The following PDE4A variants were observed in gnomAD, a reference collection of about 807,000 sequenced individuals.
The protein encoded by PDE4A is 3',5'-cyclic-AMP phosphodiesterase 4A.
PDE4A carries 21 observed loss-of-function variants against 73.9 expected under a neutral mutation model. That is an observed-to-expected ratio of 0.28 (90% confidence interval 0.20 to 0.41). The LOEUF is 0.41. PDE4A is among the 10% of genes least tolerant of loss of function. PDE4A has a pLI of 1.00. For missense variants in PDE4A, 958 were observed against 1,211.4 expected, an observed-to-expected ratio of 0.79 and a Z score of 3.10; for synonymous variants, 463 against 505.4, an observed-to-expected ratio of 0.92 and a Z score of 1.13.
At chr19:10,416,993 G>A (rs1599389797), upstream of PDE4A, 1 of 1,539,254 alleles carries the variant, frequency 6.5e-7, no homozygotes, top group East Asian at 2.4e-5. Flanking sequence ...GGGACGAGGT[G>A]CGAGAGGAGG....
chr19:10,434,962 C>T (rs1459144132), intron 1 of PDE4A, among the ~76,000 whole-genome samples: 1 of 147,546 alleles, frequency 6.8e-6, no homozygotes, highest in African/African-American at 2.5e-5. Flanking sequence ...ATCATCTCTG[C>T]TCTCTGCAAC....
chr19:10,449,010 T>A (rs1011082627), intron 3 of PDE4A, 57 bp downstream of exon 3: 1 of 1,611,576 alleles, frequency 6.2e-7, no homozygotes, highest in East Asian at 2.2e-5. Context: ...TCCGCCACAC[T>A]TGGGGACAGG....
At chr19:10,466,157 A>T (rs993499700) in intron 14 of PDE4A, among the ~76,000 whole-genome samples, 3 of 147,860 alleles carry the variant, frequency 2.0e-5, no homozygotes, top group Non-Finnish European at 4.5e-5. Context: ...TTAGCTTTTT[A>T]AAAAATAGGC....
chr19:10,432,328 CG>C, intron 1 of PDE4A: 1 of 1,257,660 alleles, frequency 8.0e-7, no homozygotes, highest in South Asian at 2.8e-5. Context: ...GGCGTGGAGG[CG>C]GTGCCGGCAG....
Position 10,424,124 on chromosome 19 carries a change from C to T in PDE4A, c.320+3040C>T, listed in dbSNP as rs536187699. Reference sequence around the variant, plus strand: ...ACTGCCCACCCCCAACCGGAGATGTCATCCAAACCTCCCCTCCAGACCTGA... The same window carrying T: ...ACTGCCCACCCCCAACCGGAGATGTTATCCAAACCTCCCCTCCAGACCTGA... On this transcript the variant is annotated intron_variant, in intron 1 of 14. Coordinates refer to ENST00000380702, the MANE Select transcript of PDE4A (RefSeq NM_001111307.2). The surrounding 1 kb of genome is among the most constrained non-coding windows in gnomAD (Gnocchi z 4.8). Among the ~76,000 whole-genome samples, 6 of 152,332 alleles carry T rather than the reference C, an allele frequency of 3.9e-5. No homozygotes were observed. The South Asian group carries it at 1.2e-3, about 32-fold the overall frequency.
At chr19:10,432,516 C>G in intron 1 of PDE4A, 1 of 1,525,366 alleles carries the variant, frequency 6.6e-7, no homozygotes, top group Non-Finnish European at 8.8e-7. Flanking sequence ...GTCCCTGACC[C>G]ACTTCCCCTT....
upstream of PDE4A, chr19:10,419,056 C>CT (rs977830124): frequency 0.17 from 133,929 of 802,248 alleles, 2,501 homozygotes; most frequent in East Asian, 0.29. Flanking sequence ...GACCGGCAGT[C>CT]TTTTTTTTTT....
chr19:10,421,009 C>A lies in PDE4A; in HGVS notation c.245C>A (p.Thr82Asn). Residue 82 changes from threonine (T) to asparagine (N), a missense_variant, in exon 1 of 15, where the codon ACC (threonine) becomes AAC (asparagine). Thr to Asn is a moderately conservative substitution (Grantham distance 65). This residue lies in a region of PDE4A where 145 missense variants were observed against 137.8 expected (regional missense o/e 1.05). Coordinates refer to ENST00000380702, the MANE Select transcript of PDE4A (RefSeq NM_001111307.2). ...AGCGACCGGCCCGGCCTGCGCACGA[C>A]CCGCATGTCCTGGCCCTCGTCCTTC... ...DTSDRPGLRT[T>N]RMSWPSSFHG... The A allele has an allele frequency of 6.6e-7, 1 of 1,508,728 alleles. No individual in the cohort carries two copies. The highest frequency in any genetic ancestry group is 1.3e-5 in the South Asian group (1 of 79,824). The allele number at this position is 1,508,728 out of a possible 1,614,324, so 93.5% of individuals were successfully genotyped here. A position where few individuals can be genotyped will look rare whatever the true frequency, so the allele number is the denominator to read the frequency against.
At chr19:10,418,853 T>C (rs895806648), upstream of PDE4A, 3 of 984,066 alleles carry the variant, frequency 3.0e-6, no homozygotes, top group African/African-American at 1.8e-5. Flanking sequence ...TGGGGAGAAC[T>C]CACAGCCCCT....
chr19:10,453,897 G>A lies in PDE4A; in HGVS notation c.784-932G>A, dbSNP rs1430383042. Among the ~76,000 whole-genome samples the A allele has an allele frequency of 6.6e-6, 1 of 152,122 alleles. No individual in the cohort carries two copies. The highest frequency in any genetic ancestry group is 2.4e-5 in the African/African-American group (1 of 41,414). On this transcript the variant is annotated intron_variant, in intron 6 of 14. Coordinates refer to ENST00000380702, the MANE Select transcript of PDE4A (RefSeq NM_001111307.2). The surrounding 1 kb of genome is among the most constrained non-coding windows in gnomAD (Gnocchi z 4.6). ...CCAGGGTCTCTGGGTGGCACCGGGAGGAGGGAGCACCCCGTCCAAGCCTGG... is the reference window on the plus strand; with the variant it reads ...CCAGGGTCTCTGGGTGGCACCGGGAAGAGGGAGCACCCCGTCCAAGCCTGG...
chr19:10,457,961 G>T lies in PDE4A; in HGVS notation c.960G>T (p.Gln320His). Residue 320 changes from glutamine to histidine, a missense_variant, in exon 8 of 15, where the codon CAG (glutamine) becomes CAT (histidine). Physicochemically the swap from Gln to His is conservative, Grantham distance 24. Around this residue, in one of 3 missense-constraint regions of PDE4A, gnomAD observed 570 missense variants for 827.7 expected, o/e 0.69. Coordinates refer to ENST00000380702, the MANE Select transcript of PDE4A (RefSeq NM_001111307.2). ...AAGCGCCGCGACCAAGACCCTCCCA[G>T]CCGCCCCCGCCCCCTGTACCACACT... ...KQQAPRPRPS[Q>H]PPPPPVPHLQ... 1.2e-6 allele frequency: 2 copies of T among 1,612,684 alleles called. No homozygotes were observed. Among genetic ancestry groups the T allele is most frequent in the Non-Finnish European group, 1.7e-6 (2 of 1,179,228 alleles).
chr19:10,455,043 AG>A, intron 7 of PDE4A, 121 bp downstream of exon 7: 1 of 908,614 alleles, frequency 1.1e-6, no homozygotes, highest in Non-Finnish European at 1.7e-6. Flanking sequence ...AACTCCCCAA[AG>A]GTCACAGTCA....
chr19:10,418,194 G>A (rs951383534), upstream of PDE4A, among the ~76,000 whole-genome samples: 1 of 152,182 alleles, frequency 6.6e-6, no homozygotes. Context: ...TCATGTCCCC[G>A]CCTGGGAGGA....
At chr19:10,450,980 C>CG (rs2043081600) in intron 6 of PDE4A, 39 bp downstream of exon 6, 2 of 1,088,598 alleles carry the variant, frequency 1.8e-6, no homozygotes, top group Admixed American at 2.0e-5. Flanking sequence ...GCGGGGCAGG[C>CG]GGGGGCGGGG....
At chr19:10,432,390 C>T (rs887031562) in intron 1 of PDE4A, 32 of 1,352,686 alleles carry the variant, frequency 2.4e-5, no homozygotes, top group Non-Finnish European at 2.9e-5. Context: ...CCACACCGCC[C>T]TGCCGCCGTC....
At chr19:10,428,389 A>ATT (rs775591654) in intron 1 of PDE4A, among the ~76,000 whole-genome samples, 2 of 147,130 alleles carry the variant, frequency 1.4e-5, no homozygotes, top group Non-Finnish European at 3.0e-5. Context: ...AGAGAGAGAG[A>ATT]GAGATATTGA....
Position 10,453,238 on chromosome 19 carries a change from A to C in PDE4A, c.784-1591A>C. Reference sequence around the variant, plus strand: ...CCCAAGCCCAGCCTCTGTGTGCAGCAGCCCCAGGCGGGCTAAGTCTCCAAG... The same window carrying C: ...CCCAAGCCCAGCCTCTGTGTGCAGCCGCCCCAGGCGGGCTAAGTCTCCAAG... On this transcript the variant is annotated intron_variant, in intron 6 of 14. Coordinates refer to ENST00000380702, the MANE Select transcript of PDE4A (RefSeq NM_001111307.2). The surrounding 1 kb of genome is among the most constrained non-coding windows in gnomAD (Gnocchi z 4.6). The C allele has an allele frequency of 5.6e-6, 9 of 1,604,518 alleles. No homozygotes were observed. The highest frequency in any genetic ancestry group is 7.7e-6 in the Non-Finnish European group (9 of 1,175,526).
At chr19:10,428,805 G>T in intron 1 of PDE4A, 1 of 985,462 alleles carries the variant, frequency 1.0e-6, no homozygotes, top group Non-Finnish European at 1.2e-6. Flanking sequence ...CAACACTAGA[G>T]AAGGAAGGAT....
At position 10,449,073 on chromosome 19, in the gene PDE4A, AT is replaced by A. The variant is rs1427182034; in HGVS notation, c.550-6del. 6.2e-7 allele frequency: 1 copy of A among 1,613,262 alleles called. No individual in the cohort carries two copies. The highest frequency in any genetic ancestry group is 8.5e-7 in the Non-Finnish European group (1 of 1,179,696). ...ACCCCACTCCTCACTGCCGCTCCCC[AT>A]CCCAGGTGCTGGCCAGCCTCCGGAG... On this transcript the variant is annotated splice_region_variant and splice_polypyrimidine_tract_variant and intron_variant, in intron 3 of 14. Coordinates refer to ENST00000380702, the MANE Select transcript of PDE4A (RefSeq NM_001111307.2).
Sources: allele counts gnomAD v4.1 joint callset (sites outside exome capture counted in the v4.1 genomes callset), GRCh38; gene constraint gnomAD v4.1.1; regional missense constraint gnomAD v4.1.1; non-coding constraint Gnocchi (gnomAD v3.1); transcripts MANE v1.5; gene names NCBI Gene and HGNC (gene_info 2026-07-23, HGNC 2026-07-21).